CACNA2D3: variants seen among roughly 807,000 people sequenced by gnomAD.
CACNA2D3 encodes the protein voltage-dependent calcium channel subunit alpha-2/delta-3.
A neutral mutation model predicts 160.6 loss-of-function variants in CACNA2D3; 60 were observed. That is an observed-to-expected ratio of 0.37 (90% CI 0.30 to 0.46). The LOEUF (loss-of-function observed/expected upper bound fraction) is 0.46. Ranked by LOEUF, CACNA2D3 falls within the 20% of genes least tolerant of loss-of-function variation. The pLI is 1.00. For synonymous variants in CACNA2D3, 558 were observed against 492.9 expected, an observed-to-expected ratio of 1.13 and a Z score of -1.75; for missense variants, 1,205 against 1,365.0, an observed-to-expected ratio of 0.88 and a Z score of 1.85.
intron 11 of CACNA2D3, among the ~76,000 whole-genome samples, chr3:54,739,425 C>CAAAAAAAAAAAA (rs780105524): frequency 2.3e-5 from 2 of 85,320 alleles, no homozygotes; most frequent in Non-Finnish European, 4.4e-5. Flanking sequence ...GACTCTGTCT[C>CAAAAAAAAAAAA]AAAAAAAAAA....
intron 2 of CACNA2D3, among the ~76,000 whole-genome samples, chr3:54,199,768 C>CT (rs1240010812): frequency 6.6e-6 from 1 of 152,116 alleles, no homozygotes; most frequent in Non-Finnish European, 1.5e-5. Flanking sequence ...CCTGAATACA[C>CT]TAGATTTTAT....
chr3:54,402,827 C>T (rs1253619819), intron 4 of CACNA2D3, among the ~76,000 whole-genome samples: 3 of 152,200 alleles, frequency 2.0e-5, no homozygotes, highest in African/African-American at 4.8e-5. Context: ...GCAGAATATA[C>T]ATTCTTCTCT....
At chr3:54,736,052 C>CATATATGTATGTATATATATACATACAT (rs201221924) in intron 11 of CACNA2D3, among the ~76,000 whole-genome samples, 1 of 47,262 alleles carries the variant, frequency 2.1e-5, no homozygotes, top group Non-Finnish European at 4.2e-5. Context: ...TATACACATA[C>CATATATGTATGTATATATATACATACAT]ATATGTATGT....
At chr3:54,714,788 T>C (rs1216296397) in intron 11 of CACNA2D3, among the ~76,000 whole-genome samples, 1 of 152,206 alleles carries the variant, frequency 6.6e-6, no homozygotes. Context: ...TGCTTATCGA[T>C]GCCTAATTCA....
chr3:54,311,605 C>T (rs1399007041), intron 2 of CACNA2D3, among the ~76,000 whole-genome samples: 1 of 152,158 alleles, frequency 6.6e-6, no homozygotes, highest in African/African-American at 2.4e-5. Flanking sequence ...CCAGTGTGCC[C>T]TCCAGAGGAG....
intron 14 of CACNA2D3, among the ~76,000 whole-genome samples, chr3:54,834,042 T>A: frequency 6.6e-6 from 1 of 152,228 alleles, no homozygotes; most frequent in Non-Finnish European, 1.5e-5. Flanking sequence ...TATTATGGGT[T>A]TCTTTTTTAA....
intron 11 of CACNA2D3, among the ~76,000 whole-genome samples, chr3:54,660,452 A>G (rs540029165): frequency 2.6e-5 from 4 of 152,216 alleles, no homozygotes; most frequent in African/African-American, 4.8e-5. Flanking sequence ...GAGCCACCGC[A>G]CCCGGCTGCT....
chr3:54,546,943 T>C (rs1478883678), intron 5 of CACNA2D3, among the ~76,000 whole-genome samples: 3 of 152,196 alleles, frequency 2.0e-5, no homozygotes, highest in African/African-American at 7.2e-5. Context: ...AAATTTGTAC[T>C]CTTTTATTAT....
At chr3:54,976,604 CCTT>C (rs971850890) in intron 29 of CACNA2D3, among the ~76,000 whole-genome samples, 3 of 152,176 alleles carry the variant, frequency 2.0e-5, no homozygotes, top group African/African-American at 7.2e-5. Context: ...CTGCCATCCT[CCTT>C]ATTCTTCTTC....
chr3:54,345,288 A>T (rs923976622), intron 3 of CACNA2D3, among the ~76,000 whole-genome samples: 1 of 152,242 alleles, frequency 6.6e-6, no homozygotes, highest in African/African-American at 2.4e-5. Context: ...TTCCTGTAAC[A>T]CAACCTCCAG....
intron 5 of CACNA2D3, among the ~76,000 whole-genome samples, chr3:54,508,531 A>G (rs1001912629): frequency 1.2e-4 from 18 of 152,364 alleles, no homozygotes; most frequent in Non-Finnish European, 2.1e-4. Flanking sequence ...ATAAATACTT[A>G]TTGCAAGGTA....
chr3:54,644,077 T>A (rs1699584892), intron 11 of CACNA2D3, among the ~76,000 whole-genome samples: 1 of 152,132 alleles, frequency 6.6e-6, no homozygotes, highest in Non-Finnish European at 1.5e-5. Flanking sequence ...ATGAATAGCA[T>A]TTACCCAAGA....
intron 2 of CACNA2D3, among the ~76,000 whole-genome samples, chr3:54,293,255 A>C (rs1703251804): frequency 6.6e-6 from 1 of 152,040 alleles, no homozygotes; most frequent in Non-Finnish European, 1.5e-5. Context: ...TGGTTACATG[A>C]ATAAGTTCTT....
intron 5 of CACNA2D3, among the ~76,000 whole-genome samples, chr3:54,515,279 G>A (rs1012505128): frequency 6.6e-6 from 1 of 151,912 alleles, no homozygotes; most frequent in Non-Finnish European, 1.5e-5. Flanking sequence ...AGATGTTCAG[G>A]AAATTAATAG....
At chr3:54,785,490 T>C (rs949036995) in intron 13 of CACNA2D3, among the ~76,000 whole-genome samples, 1 of 152,202 alleles carries the variant, frequency 6.6e-6, no homozygotes, top group African/African-American at 2.4e-5. Flanking sequence ...TCCTCCAAAA[T>C]GTTAAGAACT....
intron 4 of CACNA2D3, among the ~76,000 whole-genome samples, chr3:54,420,545 C>A (rs568226101): frequency 8.4e-4 from 128 of 152,342 alleles, no homozygotes; most frequent in African/African-American, 2.9e-3. Flanking sequence ...AGGTCCACTT[C>A]CAGTCTCAGG....
At chr3:54,631,447 A>G (rs999772227) in intron 10 of CACNA2D3, among the ~76,000 whole-genome samples, 6 of 152,126 alleles carry the variant, frequency 3.9e-5, no homozygotes, top group African/African-American at 1.4e-4. Context: ...CTTCATCAAT[A>G]TGACCTTTAA....
chr3:55,074,014 G>C, intron 37 of CACNA2D3, 100 bp from the exon 38 acceptor site: 1 of 1,156,140 alleles, frequency 8.6e-7, no homozygotes, highest in Non-Finnish European at 1.3e-6. Flanking sequence ...GGTCCCAGAA[G>C]ACTTCGTTCT....
At chr3:55,020,744 G>C (rs971981637) in intron 35 of CACNA2D3, among the ~76,000 whole-genome samples, 1 of 151,764 alleles carries the variant, frequency 6.6e-6, no homozygotes. Flanking sequence ...CCAACTACTC[G>C]GGAGATTGAG....
Sources: allele counts gnomAD v4.1 joint callset (sites outside exome capture counted in the v4.1 genomes callset), GRCh38; gene constraint gnomAD v4.1.1; transcripts MANE v1.5; gene names NCBI Gene and HGNC (gene_info 2026-07-23, HGNC 2026-07-21).